The following MBOAT1 variants were observed in gnomAD, a reference collection of about 807,000 sequenced individuals.
MBOAT1 encodes the protein membrane bound glycerophospholipid O-acyltransferase 1, also known as membrane-bound glycerophospholipid O-acyltransferase 1.
In MBOAT1, 67 loss-of-function variants were observed where a neutral mutation model predicts 64.4. That is an observed-to-expected ratio of 1.04 (90% confidence interval 0.85 to 1.27). The LOEUF is 1.27. MBOAT1 is among the 50% of genes most tolerant of loss of function. The pLI is 0.00. For missense variants in MBOAT1, 563 were observed against 604.6 expected, an observed-to-expected ratio of 0.93 and a Z score of 0.72; for synonymous variants, 229 against 218.9, an observed-to-expected ratio of 1.05 and a Z score of -0.41.
At chr6:20,151,135 C>A in intron 3 of MBOAT1, 50 bp downstream of exon 3, 1 of 1,347,804 alleles carries the variant, frequency 7.4e-7, no homozygotes, top group Admixed American at 1.7e-5. Flanking sequence ...TTTCAAAGAT[C>A]ACAAAAAAAA....
chr6:20,152,392 A>AAAAG (rs370092133), intron 2 of MBOAT1, among the ~76,000 whole-genome samples: 2,733 of 145,454 alleles, frequency 0.019, 38 homozygotes, highest in Middle Eastern at 0.035. Context: ...TTAATTAAAA[A>AAAAG]AAAGAAAAAG....
intron 4 of MBOAT1, among the ~76,000 whole-genome samples, chr6:20,134,367 G>A (rs1323792284): frequency 3.3e-5 from 5 of 151,314 alleles, no homozygotes; most frequent in Admixed American, 1.3e-4. Context: ...CAGAAAAGAT[G>A]TCCTTTTTAT....
chr6:20,127,623 C>T (rs34941391), intron 6 of MBOAT1, among the ~76,000 whole-genome samples: 13,161 of 152,200 alleles, frequency 0.086, 679 homozygotes, highest in African/African-American at 0.13. Flanking sequence ...AGGCTGCACA[C>T]TCCTTATAAG....
intron 1 of MBOAT1, among the ~76,000 whole-genome samples, chr6:20,207,529 T>C (rs555423427): frequency 6.6e-6 from 1 of 152,240 alleles, no homozygotes; most frequent in Non-Finnish European, 1.5e-5. Flanking sequence ...CCTGTTTCTG[T>C]GTGGCCTACA....
intron 1 of MBOAT1, among the ~76,000 whole-genome samples, chr6:20,168,833 C>CAGGAG (rs1174895202): frequency 9.3e-6 from 1 of 107,928 alleles, no homozygotes; most frequent in African/African-American, 3.7e-5. Flanking sequence ...GAGGAGAGGA[C>CAGGAG]AGGAGAGGAG....
At chr6:20,107,387 C>T (rs925757585) in intron 12 of MBOAT1, among the ~76,000 whole-genome samples, 2 of 151,888 alleles carry the variant, frequency 1.3e-5, no homozygotes, top group Non-Finnish European at 2.9e-5. Context: ...ACAATGCCCT[C>T]CTTGCCCACC....
chr6:20,195,375 T>C (rs1762925531), intron 1 of MBOAT1, among the ~76,000 whole-genome samples: 1 of 152,228 alleles, frequency 6.6e-6, no homozygotes, highest in African/African-American at 2.4e-5. Context: ...TGACATACTC[T>C]TATGACTTTT....
chr6:20,107,655 T>C (rs1194674673), intron 12 of MBOAT1, among the ~76,000 whole-genome samples: 2 of 152,212 alleles, frequency 1.3e-5, no homozygotes, highest in African/African-American at 4.8e-5. Flanking sequence ...CTCCAGATTC[T>C]AGCACAATGC....
At chr6:20,195,109 T>C (rs879515351) in intron 1 of MBOAT1, among the ~76,000 whole-genome samples, 70 of 152,166 alleles carry the variant, frequency 4.6e-4, no homozygotes, top group East Asian at 1.6e-3. Context: ...TATGCCACCA[T>C]GCCCGGCTAA....
chr6:20,187,385 C>A (rs1314407249), intron 1 of MBOAT1, among the ~76,000 whole-genome samples: 1 of 152,208 alleles, frequency 6.6e-6, no homozygotes, highest in African/African-American at 2.4e-5. Context: ...TACAACACAT[C>A]CTGCACAAGC....
At chr6:20,208,377 C>T (rs371982188) in intron 1 of MBOAT1, among the ~76,000 whole-genome samples, 7 of 144,548 alleles carry the variant, frequency 4.8e-5, no homozygotes, top group Non-Finnish European at 9.0e-5. Context: ...ACCTGGGAGG[C>T]GGAGGTTGCA....
At chr6:20,103,771 T>C (rs888267837) in intron 12 of MBOAT1, among the ~76,000 whole-genome samples, 1 of 152,206 alleles carries the variant, frequency 6.6e-6, no homozygotes, top group Non-Finnish European at 1.5e-5. Flanking sequence ...AAAGAGTCCG[T>C]TTTTAAAACA....
At chr6:20,152,828 TTTG>T (rs1472245212) in intron 1 of MBOAT1, 59 bp from the exon 2 acceptor site, 2 of 342,974 alleles carry the variant, frequency 5.8e-6, no homozygotes, top group South Asian at 5.0e-5. Context: ...GGTTTTTTTG[TTTG>T]TTTTGTTTTG....
At position 20,124,444 on chromosome 6, in the gene MBOAT1, C is replaced by T; in HGVS notation, c.871G>A (p.Ala291Thr). The change falls in exon 8 of 13, where the codon GCC (alanine) becomes ACC (threonine). Residue 291 changes from alanine to threonine, a missense_variant. By Grantham distance (58) the Ala-to-Thr change is moderately conservative (BLOSUM62 0). Transcript: ENST00000324607. ...RLCYLYVVMQ[A>T]SKPKYYFAWT... ...GCAAAGTAATACTTGGGCTTTGAGG[C>T]TTGCATGACAACATATAAGTAGCAG... 3 of 1,614,152 alleles carry T rather than the reference C, an allele frequency of 1.9e-6. No homozygotes were observed. Among genetic ancestry groups the T allele is most frequent in the South Asian group, 1.1e-5 (1 of 91,082 alleles).
chr6:20,178,910 T>G (rs1762429206), intron 1 of MBOAT1, among the ~76,000 whole-genome samples: 1 of 151,534 alleles, frequency 6.6e-6, no homozygotes. Context: ...AACTCAAAAA[T>G]TCCTATAAAT....
At chr6:20,202,080 G>T (rs530230285) in intron 1 of MBOAT1, among the ~76,000 whole-genome samples, 1 of 152,244 alleles carries the variant, frequency 6.6e-6, no homozygotes, top group Admixed American at 6.5e-5. Context: ...ACCACTTCAT[G>T]TAATTTCATG....
chr6:20,145,210 C>T (rs1761295746), intron 3 of MBOAT1, among the ~76,000 whole-genome samples: 1 of 118,118 alleles, frequency 8.5e-6, no homozygotes, highest in South Asian at 3.2e-4. Context: ...AGCCCTCTTA[C>T]AAAAGAGACC....
chr6:20,150,650 C>T (rs1277157288), intron 3 of MBOAT1, among the ~76,000 whole-genome samples: 1 of 150,434 alleles, frequency 6.6e-6, no homozygotes, highest in African/African-American at 2.4e-5. Context: ...GCAACCTCTG[C>T]CTCCTGGGTT....
At chr6:20,185,438 G>T (rs971381933) in intron 1 of MBOAT1, among the ~76,000 whole-genome samples, 1 of 152,064 alleles carries the variant, frequency 6.6e-6, no homozygotes, top group African/African-American at 2.4e-5. Context: ...AATATTGGGG[G>T]GCCTCATCCA....
Sources: gnomAD v4.1 joint callset for allele counts (sites outside exome capture counted in the v4.1 genomes callset) on GRCh38, gnomAD v4.1.1 for gene constraint, MANE v1.5 for transcripts, NCBI Gene and HGNC (gene_info 2026-07-23, HGNC 2026-07-21) for gene names.